ATP6V1B2: variants seen among roughly 807,000 people sequenced by gnomAD.
The protein encoded by ATP6V1B2 is V-type proton ATPase subunit B, brain isoform.
ATP6V1B2 carries 23 observed loss-of-function variants against 66.7 expected under a neutral mutation model. The ratio of observed to expected loss-of-function variants is 0.34; its 90% confidence interval spans 0.25 to 0.49. The LOEUF (loss-of-function observed/expected upper bound fraction) is 0.49, where lower values mean the gene tolerates loss of function less well. Ranked by LOEUF, ATP6V1B2 falls within the 20% of genes least tolerant of loss-of-function variation. The pLI is 0.99. For synonymous variants in ATP6V1B2, 278 were observed against 236.7 expected, an observed-to-expected ratio of 1.17 and a Z score of -1.60; for missense variants, 478 against 650.8, an observed-to-expected ratio of 0.73 and a Z score of 2.89.
At chr8:20,198,817 A>G (rs1426721887) in intron 1 of ATP6V1B2, among the ~76,000 whole-genome samples, 2 of 152,266 alleles carry the variant, frequency 1.3e-5, no homozygotes, top group Non-Finnish European at 2.9e-5. Context: ...TGCCTTTTAC[A>G]GTAACTGGGA....
intron 10 of ATP6V1B2, 156 bp downstream of exon 10, chr8:20,215,124 C>G (rs1396313437): frequency 2.3e-6 from 2 of 872,796 alleles, no homozygotes; most frequent in African/African-American, 1.7e-5. Context: ...TGAAAATTAC[C>G]CACAGTTATT....
At chr8:20,219,869 G>T (rs954317620) in intron 13 of ATP6V1B2, among the ~76,000 whole-genome samples, 1 of 152,150 alleles carries the variant, frequency 6.6e-6, no homozygotes, top group Non-Finnish European at 1.5e-5. Flanking sequence ...CTGAGCATCT[G>T]TGTTAGTCGC....
chr8:20,217,181 A>T (rs1327897296), intron 11 of ATP6V1B2, 39 bp from the exon 12 acceptor site: 4 of 1,511,020 alleles, frequency 2.6e-6, no homozygotes, highest in Non-Finnish European at 2.8e-6. Flanking sequence ...TGAGTTTTGT[A>T]CTTAAATATA....
At chr8:20,199,967 A>G (rs1251785790) in intron 1 of ATP6V1B2, among the ~76,000 whole-genome samples, 2 of 149,142 alleles carry the variant, frequency 1.3e-5, no homozygotes, top group African/African-American at 5.0e-5. Flanking sequence ...TGATGTTATC[A>G]TTTAAGGGGA....
intron 12 of ATP6V1B2, 147 bp from the exon 13 acceptor site, chr8:20,218,006 C>T: frequency 1.9e-6 from 2 of 1,080,298 alleles, no homozygotes; most frequent in East Asian, 2.6e-5. Flanking sequence ...CCTTCTGGTA[C>T]TTTCATATGA....
chr8:20,210,284 A>T, intron 3 of ATP6V1B2, 62 bp from the exon 4 acceptor site: 2 of 1,405,518 alleles, frequency 1.4e-6, no homozygotes, highest in African/African-American at 2.9e-5. Flanking sequence ...CAGACAAATA[A>T]AATGTAAATG....
intron 2 of ATP6V1B2, among the ~76,000 whole-genome samples, chr8:20,205,526 A>T (rs530650649): frequency 1.7e-4 from 26 of 152,328 alleles, no homozygotes; most frequent in African/African-American, 6.3e-4. Flanking sequence ...GACCTAAAAA[A>T]GTTTCATTGA....
At position 20,221,029 on chromosome 8, in the gene ATP6V1B2, A is replaced by G. The variant is rs199844502; in HGVS notation, c.*627A>G. 1 of 152,144 alleles carries G rather than the reference A, an allele frequency of 6.6e-6. No individual in the cohort carries two copies. Among genetic ancestry groups the G allele is most frequent in the African/African-American group, 2.4e-5 (1 of 41,518 alleles). The allele number at this position is 152,144 out of a possible 1,614,324, so 9.4% of individuals were successfully genotyped here. On this transcript the variant is annotated 3_prime_UTR_variant, in exon 14 of 14. Coordinates refer to ENST00000276390, the MANE Select transcript of ATP6V1B2 (RefSeq NM_001693.4). ...TGTGTCTTACAGCTCTCCCTCTCCAAATAATACACAGAATCCTGCAACTTT... is the reference window on the plus strand; with the variant it reads ...TGTGTCTTACAGCTCTCCCTCTCCAGATAATACACAGAATCCTGCAACTTT...
chr8:20,211,411 A>G lies in ATP6V1B2; in HGVS notation c.603+95A>G, dbSNP rs1476053995. ...AGAAACCGAATAAAGGGTTTTCAAA[A>G]TAAATACTCAGTGTTATTGTTTGTA... is the stretch of plus-strand genomic sequence containing the variant. On this transcript the variant is annotated intron_variant, in intron 6 of 13. Transcript: ENST00000276390. 9 of 1,490,584 alleles carry G rather than the reference A, an allele frequency of 6.0e-6. No homozygotes were observed. In the South Asian group the frequency reaches 1.0e-4, roughly 17 times the overall value. 92.3% of individuals were successfully genotyped at this position (1,490,584 alleles called of 1,614,324 possible). A position where few individuals can be genotyped will look rare whatever the true frequency, so the allele number is the denominator to read the frequency against.
Position 20,204,470 on chromosome 8 carries a change from G to A in ATP6V1B2, c.137-14G>A, listed in dbSNP as rs756828947. On this transcript the variant is annotated splice_polypyrimidine_tract_variant and intron_variant, in intron 1 of 13. Coordinates refer to ENST00000276390, the MANE Select transcript of ATP6V1B2 (RefSeq NM_001693.4). ...CTATTTGACTAAAACTGACTCTTCT[G>A]TATTTCTTTCCAGCATACAAGACAG... 1.9e-6 allele frequency: 3 copies of A among 1,609,522 alleles called. No individual in the cohort carries two copies. The highest frequency in any genetic ancestry group is 2.7e-5 in the African/African-American group (2 of 74,878).
At chr8:20,216,761 A>G (rs2072858336) in intron 11 of ATP6V1B2, 2 of 324,088 alleles carry the variant, frequency 6.2e-6, no homozygotes, top group Admixed American at 9.0e-5. Flanking sequence ...ATTCTGTTCC[A>G]TAATGGTATC....
Position 20,220,284 on chromosome 8 carries a change from T to C in ATP6V1B2, c.1418T>C (p.Val473Ala). ...IAQGPYENRT[V>A]FETLDIGWQL... Reference sequence around the variant, plus strand: ...TAAGGTCCTTACGAAAATCGCACTGTCTTTGAGACTTTGGACATTGGCTGG... The same window carrying C: ...TAAGGTCCTTACGAAAATCGCACTGCCTTTGAGACTTTGGACATTGGCTGG... The change falls in exon 14 of 14, where the codon GTC becomes GCC. Residue 473 changes from valine to alanine, a missense_variant. By Grantham distance (64) the Val-to-Ala change is moderately conservative. Transcript: ENST00000276390. The C allele has an allele frequency of 6.2e-7, 1 of 1,600,040 alleles. No individual in the cohort carries two copies. The highest frequency in any genetic ancestry group is 8.5e-7 in the Non-Finnish European group (1 of 1,176,488).
At chr8:20,202,924 C>A (rs574589468) in intron 1 of ATP6V1B2, among the ~76,000 whole-genome samples, 12 of 152,166 alleles carry the variant, frequency 7.9e-5, no homozygotes, top group Non-Finnish European at 1.3e-4. Flanking sequence ...TCTAATGTAG[C>A]TCACTTTCCA....
At chr8:20,202,335 A>G (rs975366129) in intron 1 of ATP6V1B2, among the ~76,000 whole-genome samples, 5 of 152,226 alleles carry the variant, frequency 3.3e-5, no homozygotes, top group Admixed American at 2.0e-4. Context: ...GCAAGACACA[A>G]TAATTTCTCT....
Position 20,216,365 on chromosome 8 carries a change from C to T in ATP6V1B2, c.1079-48C>T, listed in dbSNP as rs368134309. The T allele has an allele frequency of 6.5e-6, 10 of 1,546,792 alleles. No individual in the cohort carries two copies. In the African/African-American group the frequency reaches 1.4e-4, roughly 21 times the overall value. On this transcript the variant is annotated intron_variant, in intron 10 of 13. Transcript: ENST00000276390. ...TCTGAGAGATGGCCGCTTTAAAACT[C>T]ATAACCTAAAGATGCCATGCTTAAT...
At position 20,209,543 on chromosome 8, in the gene ATP6V1B2, C is replaced by A. The variant is rs779120084; in HGVS notation, c.291+12C>A. 3 of 1,609,172 alleles carry A rather than the reference C, an allele frequency of 1.9e-6. No homozygotes were observed. The Admixed American group carries it at 5.0e-5, about 27-fold the overall frequency. Reference sequence around the variant, plus strand: ...AGGCAGTAGTTCAGGTAAGTTTCAGCTGGCCAGCTGAACTGTTTCCTAGTT... The same window carrying A: ...AGGCAGTAGTTCAGGTAAGTTTCAGATGGCCAGCTGAACTGTTTCCTAGTT... On this transcript the variant is annotated intron_variant, in intron 3 of 13. Transcript: ENST00000276390.
rs961602139 is a variant in ATP6V1B2, at chr8:20,220,550, T to C, written c.*148T>C. On this transcript the variant is annotated 3_prime_UTR_variant, in exon 14 of 14. Transcript: ENST00000276390. Reference sequence around the variant, plus strand: ...AAGAATAGGTAACATATTGTGCCAGTGTTGCAACGTTTTAAACTGCTAACA... The same window carrying C: ...AAGAATAGGTAACATATTGTGCCAGCGTTGCAACGTTTTAAACTGCTAACA... 7.6e-5 allele frequency: 90 copies of C among 1,184,546 alleles called. No homozygotes were observed. The highest frequency in any genetic ancestry group is 2.7e-4 in the Middle Eastern group (1 of 3,756). 73.4% of individuals were successfully genotyped at this position (1,184,546 alleles called of 1,614,324 possible).
intron 12 of ATP6V1B2, among the ~76,000 whole-genome samples, chr8:20,217,703 AT>A (rs2128886720): frequency 6.6e-6 from 1 of 152,332 alleles, no homozygotes; most frequent in Admixed American, 6.5e-5. Flanking sequence ...ATACAGTTTT[AT>A]GTAGGCTCTG....
chr8:20,201,013 T>G (rs569685036), intron 1 of ATP6V1B2, among the ~76,000 whole-genome samples: 1 of 152,358 alleles, frequency 6.6e-6, no homozygotes, highest in Admixed American at 6.5e-5. Context: ...TATCCTATCC[T>G]GCAGGAGGAA....
Sources: allele counts gnomAD v4.1 joint callset (sites outside exome capture counted in the v4.1 genomes callset), GRCh38; gene constraint gnomAD v4.1.1; transcripts MANE v1.5; gene names NCBI Gene and HGNC (gene_info 2026-07-23, HGNC 2026-07-21).